The following RSRC2 variants were observed in gnomAD, a reference collection of about 807,000 sequenced individuals.
RSRC2 encodes arginine/serine-rich coiled-coil protein 2.
RSRC2 carries 5 observed loss-of-function variants against 61.3 expected under a neutral mutation model. The observed-to-expected ratio is 0.08, with a 90% confidence interval of 0.04 to 0.17. The LOEUF (loss-of-function observed/expected upper bound fraction) is 0.17, where lower values mean the gene tolerates loss of function less well. RSRC2 is among the 10% of genes least tolerant of loss of function. RSRC2 has a pLI of 1.00. For missense variants in RSRC2, 381 were observed against 518.8 expected (o/e 0.73, Z 2.58); for synonymous variants, 202 against 166.5 (o/e 1.21, Z -1.64).
intron 3 of RSRC2, 32 bp downstream of exon 3, chr12:122,521,353 A>G (rs760478558): frequency 1.9e-6 from 3 of 1,542,274 alleles, no homozygotes; most frequent in South Asian, 1.1e-5. Flanking sequence ...TAAGTATTTT[A>G]AAGTACCTAT....
intron 6 of RSRC2, among the ~76,000 whole-genome samples, chr12:122,512,446 G>A (rs926454129): frequency 1.2e-4 from 19 of 152,128 alleles, no homozygotes; most frequent in Admixed American, 5.9e-4. Context: ...TTGTTAAGTC[G>A]GCCCGGCGCC....
chr12:122,509,462 AAAAACAAAAAC>A (rs1422974462), intron 7 of RSRC2, among the ~76,000 whole-genome samples: 6 of 150,600 alleles, frequency 4.0e-5, no homozygotes, highest in African/African-American at 1.5e-4. Flanking sequence ...AAAAAAAAAC[AAAAACAAAAAC>A]AAAAAAAAAC....
At chr12:122,515,595 T>C (rs999300344) in intron 5 of RSRC2, among the ~76,000 whole-genome samples, 2 of 152,228 alleles carry the variant, frequency 1.3e-5, no homozygotes, top group Non-Finnish European at 2.9e-5. Context: ...CATTTTGTGC[T>C]CTTGTAGGTC....
intron 1 of RSRC2, 75 bp from the exon 2 acceptor site, chr12:122,522,374 AAGGG>A: frequency 7.3e-7 from 1 of 1,364,316 alleles, no homozygotes; most frequent in Non-Finnish European, 9.8e-7. Flanking sequence ...AAGAGGGACA[AAGGG>A]AGGGAAGATA....
intron 7 of RSRC2, among the ~76,000 whole-genome samples, chr12:122,510,651 G>C (rs981791141): frequency 2.0e-5 from 3 of 152,198 alleles, no homozygotes; most frequent in Non-Finnish European, 4.4e-5. Context: ...ACTTAAGTGA[G>C]AACACTAAAA....
chr12:122,520,870 G>A, intron 3 of RSRC2: 2 of 252,358 alleles, frequency 7.9e-6, no homozygotes, highest in South Asian at 8.0e-5. Context: ...TCAAGTTTTG[G>A]TGTCACCGCC....
chr12:122,525,827 TTTTTTTTTTTTTG>T (rs1337220811), intron 1 of RSRC2, among the ~76,000 whole-genome samples: 1 of 23,814 alleles, frequency 4.2e-5, no homozygotes, highest in Admixed American at 3.0e-4. Context: ...TTTTTTTTTT[TTTTTTTTTTTTTG>T]AGACGGAGTC....
At chr12:122,514,560 C>G (rs1157024921) in intron 6 of RSRC2, 18 of 976,742 alleles carry the variant, frequency 1.8e-5, no homozygotes, top group Middle Eastern at 5.2e-4. Context: ...CCGATTGCAC[C>G]CGGCCGAAAC....
rs780190058 is a variant in RSRC2 at position 122,518,956 on chromosome 12, G to C, written c.281C>G (p.Ser94Cys). 4 of 1,613,520 alleles carry C rather than the reference G, an allele frequency of 2.5e-6. No individual in the cohort carries two copies. The highest frequency in any genetic ancestry group is 3.4e-6 in the Non-Finnish European group (4 of 1,179,610). The change falls in exon 4 of 10, where the codon TCT becomes TGT. Residue 94 changes from serine to cysteine, a missense_variant. By Grantham distance (112) the Ser-to-Cys change is moderately radical. Transcript: ENST00000331738. ...KSEEHNDKEH[S>C]SDKGRERLNS... ...TAGTCGCTCTCTTCCTTTATCAGAA[G>C]AATGTTCTTTGTCATTATGTTCCTC...
intron 5 of RSRC2, among the ~76,000 whole-genome samples, chr12:122,515,737 C>T (rs1375269433): frequency 6.6e-6 from 1 of 152,128 alleles, no homozygotes; most frequent in Non-Finnish European, 1.5e-5. Context: ...TGCCTGTAAT[C>T]CCAGAACTTT....
chr12:122,518,949 A>T lies in RSRC2; in HGVS notation c.288T>A (p.Asp96Glu). The stretch of plus-strand genomic sequence containing the variant: ...ATGAATTTAGTCGCTCTCTTCCTTT[A>T]TCAGAAGAATGTTCTTTGTCATTAT... Reference protein sequence around the residue: ...EEHNDKEHSSDKGRERLNSSE... With the variant: ...EEHNDKEHSSEKGRERLNSSE... Residue 96 changes from aspartate to glutamate, a missense_variant, in exon 4 of 10, where the codon GAT becomes GAA. Transcript: ENST00000331738. The T allele has an allele frequency of 6.2e-7, 1 of 1,613,850 alleles. No homozygotes were observed. Among genetic ancestry groups the T allele is most frequent in the Non-Finnish European group, 8.5e-7 (1 of 1,179,842 alleles).
At chr12:122,525,228 T>A (rs1959930995) in intron 1 of RSRC2, among the ~76,000 whole-genome samples, 1 of 151,760 alleles carries the variant, frequency 6.6e-6, no homozygotes, top group African/African-American at 2.4e-5. Context: ...ATAAAAAAAT[T>A]AGCCGGGTGT....
chr12:122,513,839 T>G, intron 6 of RSRC2: 1 of 984,950 alleles, frequency 1.0e-6, no homozygotes, highest in Non-Finnish European at 1.2e-6. Context: ...TACACTGTGT[T>G]ACCAGCCTGG....
chr12:122,518,805 A>T lies in RSRC2; in HGVS notation c.398+34T>A, dbSNP rs775902288. The T allele has an allele frequency of 6.6e-6, 10 of 1,517,934 alleles. No homozygotes were observed. The Admixed American group carries it at 1.0e-4, about 15-fold the overall frequency. The allele number at this position is 1,517,934 out of a possible 1,614,324, so 94.0% of individuals were successfully genotyped here. On this transcript the variant is annotated intron_variant, in intron 4 of 9. Transcript: ENST00000331738. ...AATGAGAAACTTTATGTAACTTGTT[A>T]GAAGGTACTACATTATAATACAACA...
At chr12:122,515,047 A>C in intron 6 of RSRC2, 58 bp downstream of exon 6, 7 of 1,559,148 alleles carry the variant, frequency 4.5e-6, no homozygotes, top group Non-Finnish European at 6.1e-6. Context: ...TCTTATCCAC[A>C]CAATTGAGCA....
rs556361610 is a variant in RSRC2, at chr12:122,506,047, C to T, written c.1126-341G>A. Among the ~76,000 whole-genome samples, 7 of 152,148 alleles carry T rather than the reference C, an allele frequency of 4.6e-5. No homozygotes were observed. The East Asian group carries it at 1.4e-3, about 30-fold the overall frequency. On this transcript the variant is annotated intron_variant, in intron 9 of 9. Transcript: ENST00000331738. ...CCCTGCCGCCTGCCCCCCGGCCTCC[C>T]GAAGTGTTGGGATTACAGGTGTGAA...
chr12:122,513,239 A>G (rs1457361409), intron 6 of RSRC2, among the ~76,000 whole-genome samples: 1 of 53,480 alleles, frequency 1.9e-5, no homozygotes, highest in Non-Finnish European at 4.9e-5. Context: ...AAATAAATAA[A>G]TAAATAAAAT....
intron 5 of RSRC2, among the ~76,000 whole-genome samples, chr12:122,516,455 A>G (rs564990489): frequency 1.2e-4 from 18 of 152,342 alleles, no homozygotes; most frequent in South Asian, 4.1e-4. Flanking sequence ...GCATTTAGAT[A>G]TATCTGAAAC....
chr12:122,521,992 A>G (rs1382624815), intron 2 of RSRC2, 151 bp downstream of exon 2: 10 of 732,754 alleles, frequency 1.4e-5, no homozygotes, highest in Non-Finnish European at 2.0e-5. Context: ...GGCTCAGGTG[A>G]TCTGCCTGCC....
Sources: allele counts gnomAD v4.1 joint callset (sites outside exome capture counted in the v4.1 genomes callset), GRCh38; gene constraint gnomAD v4.1.1; transcripts MANE v1.5; gene names NCBI Gene and HGNC (gene_info 2026-07-23, HGNC 2026-07-21).